Variants in MAP2K6 observed in about 807,000 individuals in gnomAD.
The protein encoded by MAP2K6 is dual specificity mitogen-activated protein kinase kinase 6.
Under a neutral mutation model 53.7 loss-of-function variants are expected in MAP2K6, and 16 were observed. That is an observed-to-expected ratio of 0.30 (90% confidence interval 0.20 to 0.45). The LOEUF is 0.45. Ranked by LOEUF, MAP2K6 falls within the 20% of genes least tolerant of loss-of-function variation. The probability of loss-of-function intolerance (pLI) is 1.00; values close to 1 mark genes in which losing one functional copy is unlikely to be tolerated. For missense variants in MAP2K6, 204 were observed against 411.9 expected (o/e 0.50, Z 4.37); for synonymous variants, 132 against 143.1 (o/e 0.92, Z 0.55).
intron 1 of MAP2K6, among the ~76,000 whole-genome samples, chr17:69,450,636 T>C (rs1907189036): frequency 6.6e-6 from 1 of 152,134 alleles, no homozygotes; most frequent in Non-Finnish European, 1.5e-5. Context: ...CAACGGAATG[T>C]CTTTTCCTTG....
chr17:69,508,078 T>C (rs1909620326), intron 2 of MAP2K6, among the ~76,000 whole-genome samples: 1 of 28,714 alleles, frequency 3.5e-5, no homozygotes, highest in Non-Finnish European at 6.6e-5. Context: ...TGAGACGGAG[T>C]TTCGCTCTTG....
chr17:69,479,492 A>C (rs1283037475), intron 1 of MAP2K6, among the ~76,000 whole-genome samples: 3 of 152,188 alleles, frequency 2.0e-5, no homozygotes, highest in African/African-American at 7.2e-5. Context: ...TCATCCCCAA[A>C]ATATCTCAGT....
chr17:69,496,806 C>T lies in MAP2K6; in HGVS notation c.17-8974C>T, dbSNP rs149263227. 3.3e-3 allele frequency among the ~76,000 whole-genome samples: 503 copies of T among 152,114 alleles called. 3 individuals carry two copies. Among genetic ancestry groups the T allele is most frequent in the African/African-American group, 0.012 (481 of 41,480 alleles). On this transcript the variant is annotated intron_variant, in intron 1 of 11. Coordinates refer to ENST00000590474, the MANE Select transcript of MAP2K6 (RefSeq NM_002758.4). ...CCTGCTTGAATTCTGCCATGCGTCC[C>T]GTCCCTGCAGCATCTTATACTTAAT...
chr17:69,505,642 C>T (rs1008831041), intron 1 of MAP2K6, 138 bp from the exon 2 acceptor site: 2 of 701,826 alleles, frequency 2.8e-6, no homozygotes, highest in African/African-American at 1.8e-5. Flanking sequence ...TCACAGACTT[C>T]CTGGGTAGGA....
chr17:69,518,504 G>A lies in MAP2K6; in HGVS notation c.247-809G>A, dbSNP rs76781647. ...TAGAGTAAATTTGCATAGTTTTTGA[G>A]CTATGAAAGGAAATTTAAAATCATT... On this transcript the variant is annotated intron_variant, in intron 4 of 11. Coordinates refer to ENST00000590474, the MANE Select transcript of MAP2K6 (RefSeq NM_002758.4). 9.8e-4 allele frequency among the ~76,000 whole-genome samples: 149 copies of A among 152,290 alleles called. 4 individuals carry two copies. The East Asian group carries it at 0.025, about 26-fold the overall frequency.
intron 7 of MAP2K6, among the ~76,000 whole-genome samples, 199 bp from the exon 8 acceptor site, chr17:69,523,315 C>T (rs144651159): frequency 1.7e-4 from 26 of 152,206 alleles, no homozygotes; most frequent in Middle Eastern, 3.4e-3. Flanking sequence ...AAGGCATGAA[C>T]AAAACATGAA....
rs138450095 is a variant in MAP2K6, at chr17:69,510,003, C to T, written c.83+4157C>T. 7.3e-3 allele frequency among the ~76,000 whole-genome samples: 1,117 copies of T among 152,042 alleles called. 29 individuals carry two copies. Among genetic ancestry groups the T allele is most frequent in the Admixed American group, 0.038 (574 of 15,268 alleles). The stretch of plus-strand genomic sequence containing the variant: ...AACTACAGGTACATGCCACCACACG[C>T]GGCTAATTTTTTTTTGTGTTTTGTA... On this transcript the variant is annotated intron_variant, in intron 2 of 11. Coordinates refer to ENST00000590474, the MANE Select transcript of MAP2K6 (RefSeq NM_002758.4).
chr17:69,496,326 C>T (rs1908949557), intron 1 of MAP2K6, among the ~76,000 whole-genome samples: 1 of 148,386 alleles, frequency 6.7e-6, no homozygotes. Flanking sequence ...GGCTGGAGTG[C>T]AGTGGTGCGA....
At chr17:69,523,872 C>T (rs1598309684) in intron 8 of MAP2K6, among the ~76,000 whole-genome samples, 1 of 152,136 alleles carries the variant, frequency 6.6e-6, no homozygotes, top group Non-Finnish European at 1.5e-5. Flanking sequence ...AGCCAGGCAG[C>T]ATATAAACAA....
intron 1 of MAP2K6, among the ~76,000 whole-genome samples, chr17:69,467,352 CT>C (rs1165067131): frequency 6.6e-6 from 1 of 152,226 alleles, no homozygotes; most frequent in Non-Finnish European, 1.5e-5. Context: ...GACTGCTCTG[CT>C]CTGCAGGGAG....
chr17:69,517,423 C>A (rs61758040), intron 3 of MAP2K6, 77 bp from the exon 4 acceptor site: 2 of 710,418 alleles, frequency 2.8e-6, no homozygotes, highest in Non-Finnish European at 2.2e-6. Flanking sequence ...TTGAGAGAAA[C>A]GAGATAGAGG....
chr17:69,464,719 CTTAT>C (rs529718651), intron 1 of MAP2K6, among the ~76,000 whole-genome samples: 10 of 151,780 alleles, frequency 6.6e-5, no homozygotes, highest in Non-Finnish European at 1.3e-4. Context: ...AGATTATGTA[CTTAT>C]TTATTTATTT....
intron 1 of MAP2K6, among the ~76,000 whole-genome samples, chr17:69,432,510 G>A (rs1449351309): frequency 6.6e-6 from 1 of 152,202 alleles, no homozygotes; most frequent in Non-Finnish European, 1.5e-5. Context: ...GCAGGGACAT[G>A]AATGAAGCCG....
At chr17:69,476,897 C>G (rs1016436847) in intron 1 of MAP2K6, among the ~76,000 whole-genome samples, 1 of 152,212 alleles carries the variant, frequency 6.6e-6, no homozygotes, top group African/African-American at 2.4e-5. Context: ...AGCCTTTATC[C>G]TGCCACCTGA....
At chr17:69,514,556 T>C (rs1356410838) in intron 2 of MAP2K6, among the ~76,000 whole-genome samples, 1 of 152,094 alleles carries the variant, frequency 6.6e-6, no homozygotes, top group Non-Finnish European at 1.5e-5. Context: ...TTTGTATTTC[T>C]CTTTTTTTTT....
At chr17:69,436,244 T>G (rs817565) in intron 1 of MAP2K6, among the ~76,000 whole-genome samples, 94,262 of 152,052 alleles carry the variant, frequency 0.62, 30,150 homozygotes, top group African/African-American at 0.78. Flanking sequence ...TTTGATTTAC[T>G]TGATCCAAAG....
intron 2 of MAP2K6, among the ~76,000 whole-genome samples, chr17:69,513,043 T>C (rs1909946334): frequency 6.6e-6 from 1 of 152,148 alleles, no homozygotes. Context: ...GACTAAAATA[T>C]TGAAAAAGTG....
intron 1 of MAP2K6, among the ~76,000 whole-genome samples, chr17:69,503,446 C>T (rs1373830386): frequency 6.6e-6 from 1 of 152,130 alleles, no homozygotes; most frequent in African/African-American, 2.4e-5. Context: ...GTTTGAGTTC[C>T]AAGAGCAGGA....
chr17:69,516,808 T>C (rs769665781), intron 2 of MAP2K6, 47 bp from the exon 3 acceptor site: 22 of 1,383,202 alleles, frequency 1.6e-5, no homozygotes, highest in Non-Finnish European at 2.1e-5. Context: ...AAGGACATAA[T>C]TGACTCAATA....
Sources: allele counts gnomAD v4.1 joint callset (sites outside exome capture counted in the v4.1 genomes callset), GRCh38; gene constraint gnomAD v4.1.1; transcripts MANE v1.5; gene names NCBI Gene and HGNC (gene_info 2026-07-23, HGNC 2026-07-21).